TMEM266: variants seen among roughly 807,000 people sequenced by gnomAD.
TMEM266 encodes transmembrane protein 266.
TMEM266 carries 33 observed loss-of-function variants against 50.5 expected under a neutral mutation model. The ratio of observed to expected loss-of-function variants is 0.65; its 90% CI spans 0.50 to 0.87. The LOEUF is 0.87. Among genes scored for constraint, TMEM266 ranks in the 40% least tolerant of loss-of-function variants. The pLI is 0.00. For missense variants in TMEM266, 655 were observed against 695.1 expected (o/e 0.94, Z 0.65); for synonymous variants, 310 against 292.3 (o/e 1.06, Z -0.62).
chr15:76,129,680 CT>C (rs998419870), intron 1 of TMEM266, among the ~76,000 whole-genome samples: 2 of 151,718 alleles, frequency 1.3e-5, no homozygotes, highest in Non-Finnish European at 2.9e-5. Flanking sequence ...ACAAAAAAAA[CT>C]GCTAAGGAAA....
chr15:76,126,827 C>T (rs1297377159), intron 1 of TMEM266, among the ~76,000 whole-genome samples: 1 of 152,094 alleles, frequency 6.6e-6, no homozygotes, highest in African/African-American at 2.4e-5. Flanking sequence ...CTGTGCCCAG[C>T]CTATATGTAG....
chr15:76,083,358 G>A (rs570793730), intron 1 of TMEM266, among the ~76,000 whole-genome samples: 5 of 151,636 alleles, frequency 3.3e-5, no homozygotes, highest in South Asian at 2.1e-4. Context: ...CCTTGGTCTC[G>A]AGCAAGGTAA....
intron 3 of TMEM266, among the ~76,000 whole-genome samples, chr15:76,146,644 A>C (rs1165204545): frequency 6.6e-6 from 1 of 152,228 alleles, no homozygotes; most frequent in Non-Finnish European, 1.5e-5. Context: ...ATCTCTAAAT[A>C]AGGACTGAAA....
intron 10 of TMEM266, 88 bp from the exon 11 acceptor site, chr15:76,203,653 C>G (rs1486410696): frequency 1.6e-5 from 20 of 1,284,446 alleles, no homozygotes; most frequent in Middle Eastern, 1.9e-4. Context: ...ACACTCATTG[C>G]CCACCGCCCG....
At chr15:76,148,186 G>A (rs1221045565) in intron 3 of TMEM266, among the ~76,000 whole-genome samples, 4 of 152,184 alleles carry the variant, frequency 2.6e-5, no homozygotes, top group Non-Finnish European at 4.4e-5. Flanking sequence ...GCGTGGCCAC[G>A]TCCGGCAAGG....
At chr15:76,140,337 C>T (rs2037658573) in intron 3 of TMEM266, among the ~76,000 whole-genome samples, 1 of 152,196 alleles carries the variant, frequency 6.6e-6, no homozygotes. Flanking sequence ...GGCCTCTCTC[C>T]GCGAGGCTTC....
intron 4 of TMEM266, among the ~76,000 whole-genome samples, chr15:76,159,264 T>C (rs1278490359): frequency 6.6e-6 from 1 of 152,224 alleles, no homozygotes; most frequent in Admixed American, 6.5e-5. Context: ...AGCATCCTGC[T>C]TTTGGCCTCG....
At chr15:76,156,879 A>T (rs2037935888) in intron 4 of TMEM266, 121 bp downstream of exon 4, 1 of 1,059,920 alleles carries the variant, frequency 9.4e-7, no homozygotes, top group African/African-American at 1.6e-5. Context: ...GCTGCTGCCC[A>T]GCCTCAGGCC....
chr15:76,071,225 C>G (rs760841692), intron 1 of TMEM266, among the ~76,000 whole-genome samples: 28 of 152,164 alleles, frequency 1.8e-4, no homozygotes, highest in South Asian at 4.1e-4. Context: ...CTGCAGACAA[C>G]ATTCAGGATT....
At chr15:76,080,457 G>A (rs1262268011) in intron 1 of TMEM266, among the ~76,000 whole-genome samples, 2 of 150,474 alleles carry the variant, frequency 1.3e-5, no homozygotes, top group African/African-American at 4.9e-5. Context: ...TCACTATGTT[G>A]GTCAGGTGGT....
chr15:76,164,871 G>C (rs1228140862), intron 5 of TMEM266, among the ~76,000 whole-genome samples: 1 of 152,246 alleles, frequency 6.6e-6, no homozygotes, highest in Admixed American at 6.5e-5. Flanking sequence ...GGATGGCTCT[G>C]CAGGGCACAG....
chr15:76,080,231 G>A (rs1311383286), intron 1 of TMEM266, among the ~76,000 whole-genome samples: 1 of 99,768 alleles, frequency 1.0e-5, no homozygotes, highest in Non-Finnish European at 2.1e-5. Flanking sequence ...GCCAGGCATG[G>A]TGGCAGGTGC....
intron 1 of TMEM266, among the ~76,000 whole-genome samples, chr15:76,102,142 C>T (rs558830920): frequency 6.6e-6 from 1 of 152,316 alleles, no homozygotes; most frequent in South Asian, 2.1e-4. Flanking sequence ...GATGGGACCT[C>T]TCCATCCTCT....
At position 76,138,020 on chromosome 15, in the gene TMEM266, G is replaced by A. The variant is rs567066195; in HGVS notation, c.227+125G>A. 6.2e-4 allele frequency: 567 copies of A among 918,606 alleles called. 4 individuals are homozygous for A. In the African/African-American group the frequency reaches 8.8e-3, roughly 14 times the overall value. 56.9% of individuals were successfully genotyped at this position (918,606 alleles called of 1,614,324 possible). A position where few individuals can be genotyped will look rare whatever the true frequency, so the allele number is the denominator to read the frequency against. ...GCAGATCACCTGAGGTTAGGAGTTC[G>A]AGACCAGCCTGGCCAACATGGTAAA... On this transcript the variant is annotated intron_variant, in intron 3 of 10. Coordinates refer to ENST00000388942, the MANE Select transcript of TMEM266 (RefSeq NM_152335.3).
intron 1 of TMEM266, chr15:76,112,703 C>G (rs1449264196): frequency 2.0e-5 from 3 of 152,134 alleles, no homozygotes; most frequent in Non-Finnish European, 2.9e-5. Context: ...AAGGGCCTTG[C>G]ATTATTTTTC....
chr15:76,096,034 A>G (rs937280884), intron 1 of TMEM266, among the ~76,000 whole-genome samples: 3 of 151,858 alleles, frequency 2.0e-5, no homozygotes, highest in African/African-American at 7.2e-5. Context: ...CTAGCAGACT[A>G]TCTATTTTGT....
In TMEM266 at chr15:76,203,806, A is replaced by C. The variant is rs1045857460; in HGVS notation, c.1087A>C (p.Asn363His). The C allele has an allele frequency of 4.8e-5, 77 of 1,614,090 alleles. 1 individual carries two copies. Among genetic ancestry groups the C allele is most frequent in the Non-Finnish European group, 6.5e-5 (77 of 1,180,040 alleles). The change falls in exon 11 of 11, where the codon AAC becomes CAC. Residue 363 changes from asparagine to histidine, a missense_variant. Physicochemically the swap from Asn to His is moderately conservative, Grantham distance 68 (BLOSUM62 1). This residue lies in a region of TMEM266 where 455 missense variants were observed against 401.8 expected (regional missense o/e 1.13). Transcript: ENST00000388942. The stretch of plus-strand genomic sequence containing the variant: ...GGCCGCAATAGACATTCACCAGCCC[A>C]ACATCTCCTCGGACCTCTTCTCTCT...
chr15:76,077,994 C>T (rs1364730049), intron 1 of TMEM266, among the ~76,000 whole-genome samples: 4 of 152,062 alleles, frequency 2.6e-5, no homozygotes, highest in Admixed American at 2.0e-4. Flanking sequence ...GGAGGCAAGT[C>T]CAGAACACAG....
Position 76,156,618 on chromosome 15 carries a change from A to G in TMEM266, c.242A>G (p.Lys81Arg), listed in dbSNP as rs2037931892. The G allele has an allele frequency of 1.9e-6, 3 of 1,613,938 alleles. No individual in the cohort carries two copies. The highest frequency in any genetic ancestry group is 2.5e-6 in the Non-Finnish European group (3 of 1,180,036). Residue 81 changes from lysine to arginine, a missense_variant, in exon 4 of 11, where the codon AAG (lysine) becomes AGG (arginine). Around this residue, in one of 3 missense-constraint regions of TMEM266, gnomAD observed 99 missense variants for 110.8 expected, o/e 0.89. Coordinates refer to ENST00000388942, the MANE Select transcript of TMEM266 (RefSeq NM_152335.3). ...TGTCCCCACAGGTCTAACTGGCTGA[A>G]GCCGTGCTGTGGGAAGAGAGCAGCC... is the stretch of plus-strand genomic sequence containing the variant.
Sources: gnomAD v4.1 joint callset for allele counts (sites outside exome capture counted in the v4.1 genomes callset) on GRCh38, gnomAD v4.1.1 for gene constraint, gnomAD v4.1.1 regional missense constraint, MANE v1.5 for transcripts, NCBI Gene and HGNC (gene_info 2026-07-23, HGNC 2026-07-21) for gene names.